CSMD1: variants seen among roughly 807,000 people sequenced by gnomAD.
CSMD1 encodes CUB and sushi domain-containing protein 1.
CSMD1 carries 213 observed loss-of-function variants against 417.5 expected under a neutral mutation model. That is an observed-to-expected ratio of 0.51 (90% CI 0.46 to 0.57). CSMD1 has a LOEUF of 0.57. Among genes scored for constraint, CSMD1 ranks in the 20% least tolerant of loss-of-function variants. The probability of loss-of-function intolerance (pLI) is 0.00; values close to 1 mark genes in which losing one functional copy is unlikely to be tolerated. For synonymous variants in CSMD1, 2,862 were observed against 1,736.8 expected (o/e 1.65, Z -16.11); for missense variants, 6,923 against 4,529.7 (o/e 1.53, Z -15.17).
intron 3 of CSMD1, among the ~76,000 whole-genome samples, chr8:4,374,943 A>G (rs1325095086): frequency 1.2e-5 from 1 of 82,516 alleles, no homozygotes; most frequent in Admixed American, 1.8e-4. Flanking sequence ...AACAATGATT[A>G]AACAGACAAA....
chr8:3,834,428 G>A (rs1022025189), intron 5 of CSMD1, among the ~76,000 whole-genome samples: 4 of 152,092 alleles, frequency 2.6e-5, no homozygotes, highest in Non-Finnish European at 4.4e-5. Flanking sequence ...CCTGGAAGTG[G>A]GGCAGACTCA....
rs574635077 is a variant in CSMD1, at chr8:4,487,046, T to A, written c.303-66981A>T. On this transcript the variant is annotated intron_variant, in intron 2 of 69. Transcript: ENST00000635120. ...AGTTCCACTGAAGAGAATTGTAATA[T>A]CTTTCCGCTTTCTAATTAAGTTGGA... is the stretch of plus-strand genomic sequence containing the variant. 1.3e-3 allele frequency among the ~76,000 whole-genome samples: 200 copies of A among 152,316 alleles called. 3 individuals carry two copies. Among genetic ancestry groups the A allele is most frequent in the African/African-American group, 1.9e-3 (78 of 41,572 alleles).
chr8:4,586,115 T>C (rs1000279067), intron 2 of CSMD1, among the ~76,000 whole-genome samples: 4 of 152,238 alleles, frequency 2.6e-5, no homozygotes, highest in East Asian at 1.9e-4. Context: ...ATCAGGGTAA[T>C]TGGCTATCCA....
chr8:4,090,849 G>A (rs1474826654), intron 3 of CSMD1, among the ~76,000 whole-genome samples: 1 of 151,952 alleles, frequency 6.6e-6, no homozygotes, highest in Non-Finnish European at 1.5e-5. Context: ...ATTTGGCGAA[G>A]GGATGCCATA....
chr8:3,139,861 G>C (rs777962006), intron 41 of CSMD1, among the ~76,000 whole-genome samples: 1 of 151,574 alleles, frequency 6.6e-6, no homozygotes. Flanking sequence ...TAGAGCATAG[G>C]ATAGATTACC....
intron 3 of CSMD1, among the ~76,000 whole-genome samples, chr8:4,097,335 G>A (rs1474955547): frequency 2.0e-5 from 3 of 152,172 alleles, no homozygotes; most frequent in African/African-American, 7.2e-5. Flanking sequence ...TGCCTCAGTT[G>A]ACACCTTTAT....
intron 65 of CSMD1, among the ~76,000 whole-genome samples, chr8:2,953,948 C>G (rs1802822259): frequency 6.6e-6 from 1 of 152,260 alleles, no homozygotes; most frequent in African/African-American, 2.4e-5. Context: ...GTTTTCATTT[C>G]TGCCTACCAA....
chr8:4,270,072 G>T (rs1804486334), intron 3 of CSMD1, among the ~76,000 whole-genome samples: 1 of 152,106 alleles, frequency 6.6e-6, no homozygotes, highest in Non-Finnish European at 1.5e-5. Context: ...AAGCTTCTGA[G>T]GAGAGAAACA....
chr8:4,022,838 A>C lies in CSMD1; in HGVS notation c.610+9067T>G, dbSNP rs530772355. Among the ~76,000 whole-genome samples the C allele has an allele frequency of 1.1e-3, 175 of 152,342 alleles. 1 individual carries two copies. The South Asian group carries it at 0.016, about 14-fold the overall frequency. ...AACAATTCAGTGGTCTTCAGAAAGAAGAAGAGAGTTCATTCGGAGCAAGAA... is the reference window on the plus strand; with the variant it reads ...AACAATTCAGTGGTCTTCAGAAAGACGAAGAGAGTTCATTCGGAGCAAGAA... On this transcript the variant is annotated intron_variant, in intron 4 of 69. Coordinates refer to ENST00000635120, the MANE Select transcript of CSMD1 (RefSeq NM_033225.6).
chr8:3,983,340 C>A (rs1278669304), intron 5 of CSMD1, among the ~76,000 whole-genome samples: 2 of 152,010 alleles, frequency 1.3e-5, no homozygotes, highest in Admixed American at 6.6e-5. Context: ...CCGTGTTGGC[C>A]AGGATGGTCT....
At chr8:4,404,005 G>A (rs913624049) in intron 3 of CSMD1, among the ~76,000 whole-genome samples, 6 of 152,160 alleles carry the variant, frequency 3.9e-5, no homozygotes, top group African/African-American at 1.2e-4. Flanking sequence ...CAATCAATTA[G>A]CAAACTCGAT....
intron 3 of CSMD1, among the ~76,000 whole-genome samples, chr8:4,400,093 T>C (rs1804546806): frequency 6.6e-6 from 1 of 152,080 alleles, no homozygotes; most frequent in African/African-American, 2.4e-5. Context: ...TAAATACGAG[T>C]ACATTAAAAT....
intron 3 of CSMD1, among the ~76,000 whole-genome samples, chr8:4,112,568 T>C (rs1801913912): frequency 6.6e-6 from 1 of 152,232 alleles, no homozygotes; most frequent in Middle Eastern, 3.4e-3. Context: ...TGTTCCCTCT[T>C]CTGGGGAGGC....
intron 5 of CSMD1, among the ~76,000 whole-genome samples, chr8:3,970,839 C>A (rs532534697): frequency 7.0e-4 from 107 of 152,202 alleles, no homozygotes; most frequent in Middle Eastern, 3.4e-3. Context: ...GCAACCTCCG[C>A]CTCCCGGGTT....
chr8:4,030,489 T>C (rs920233833), intron 4 of CSMD1, among the ~76,000 whole-genome samples: 20 of 152,186 alleles, frequency 1.3e-4, no homozygotes, highest in African/African-American at 4.6e-4. Context: ...TCAGCCACAG[T>C]TGGAGCAGCT....
intron 30 of CSMD1, 66 bp from the exon 31 acceptor site, chr8:3,205,686 A>T (rs1283266463): frequency 1.7e-5 from 12 of 688,082 alleles, no homozygotes; most frequent in Non-Finnish European, 2.7e-5. Flanking sequence ...GGTGAGCCAA[A>T]GCTGAAACAC....
intron 7 of CSMD1, among the ~76,000 whole-genome samples, chr8:3,619,834 G>T (rs1005377286): frequency 2.0e-5 from 3 of 152,196 alleles, no homozygotes; most frequent in Admixed American, 1.3e-4. Flanking sequence ...ATATTCAATA[G>T]AATTTGTATT....
chr8:4,645,641 G>A (rs1341576961), intron 1 of CSMD1, among the ~76,000 whole-genome samples: 1 of 152,044 alleles, frequency 6.6e-6, no homozygotes, highest in African/African-American at 2.4e-5. Context: ...AAAAAGAGAT[G>A]TCGAAGGTAG....
chr8:4,799,874 C>G (rs1237343670), intron 1 of CSMD1, among the ~76,000 whole-genome samples: 3 of 151,964 alleles, frequency 2.0e-5, no homozygotes, highest in Non-Finnish European at 4.4e-5. Context: ...AGAAAGTACT[C>G]AAACATTCAA....
Sources: allele counts gnomAD v4.1 joint callset (sites outside exome capture counted in the v4.1 genomes callset), GRCh38; gene constraint gnomAD v4.1.1; transcripts MANE v1.5; gene names NCBI Gene and HGNC (gene_info 2026-07-23, HGNC 2026-07-21).